Variants in PTPRD observed in about 807,000 individuals in gnomAD.
The protein encoded by PTPRD is protein tyrosine phosphatase receptor type D.
In PTPRD, 34 loss-of-function variants were observed where a neutral mutation model predicts 214.5. The observed-to-expected ratio is 0.16, with a 90% CI of 0.12 to 0.21. PTPRD has a LOEUF of 0.21. Among genes scored for constraint, PTPRD ranks in the 10% least tolerant of loss-of-function variants. PTPRD has a pLI of 1.00. For missense variants in PTPRD, 2,545 were observed against 2,398.7 expected (o/e 1.06, Z -1.27); for synonymous variants, 1,128 against 845.7 (o/e 1.33, Z -5.79).
chr9:9,568,090 G>T (rs1356355609), intron 8 of PTPRD, among the ~76,000 whole-genome samples: 2 of 151,752 alleles, frequency 1.3e-5, no homozygotes, highest in Non-Finnish European at 2.9e-5. Flanking sequence ...ATAGGTCCCT[G>T]ATTATGTCAT....
chr9:8,792,860 C>T (rs1240533366), intron 11 of PTPRD, among the ~76,000 whole-genome samples: 1 of 151,954 alleles, frequency 6.6e-6, no homozygotes, highest in Non-Finnish European at 1.5e-5. Flanking sequence ...CCTTTTATTA[C>T]TGCTAAAAAG....
chr9:8,792,760 C>T (rs1037014889), intron 11 of PTPRD, among the ~76,000 whole-genome samples: 6 of 152,296 alleles, frequency 3.9e-5, no homozygotes, highest in Admixed American at 2.6e-4. Flanking sequence ...AAAGACCTCT[C>T]GTCCTTGCTC....
At chr9:10,189,799 T>C (rs1338536495) in intron 3 of PTPRD, among the ~76,000 whole-genome samples, 7 of 152,070 alleles carry the variant, frequency 4.6e-5, no homozygotes, top group African/African-American at 1.4e-4. Context: ...AAAAATCATA[T>C]ATAAACCAAG....
chr9:9,986,846 T>C (rs1229157161), intron 4 of PTPRD, among the ~76,000 whole-genome samples: 1 of 152,140 alleles, frequency 6.6e-6, no homozygotes, highest in Non-Finnish European at 1.5e-5. Flanking sequence ...AATGGGCATA[T>C]AGTTAACTGT....
chr9:8,840,142 A>C (rs10815970), intron 11 of PTPRD, among the ~76,000 whole-genome samples: 18,749 of 152,232 alleles, frequency 0.12, 1,395 homozygotes, highest in East Asian at 0.27. Flanking sequence ...TTACAACAGT[A>C]TTAGAGCAGT....
At chr9:9,362,028 G>A (rs1335061446) in intron 9 of PTPRD, among the ~76,000 whole-genome samples, 1 of 150,986 alleles carries the variant, frequency 6.6e-6, no homozygotes, top group Non-Finnish European at 1.5e-5. Flanking sequence ...AGAGAGTTTA[G>A]TGGAAAACAT....
intron 14 of PTPRD, among the ~76,000 whole-genome samples, chr9:8,581,553 T>C (rs766411125): frequency 2.2e-4 from 32 of 148,070 alleles, no homozygotes; most frequent in East Asian, 6.3e-4. Context: ...TTGAGACCAT[T>C]CTGGCTAACA....
intron 6 of PTPRD, among the ~76,000 whole-genome samples, chr9:9,745,901 T>C (rs4742615): frequency 0.043 from 6,565 of 152,208 alleles, 739 homozygotes; most frequent in East Asian, 0.4. Context: ...AATCACAGTA[T>C]AATAGGCTTT....
chr9:9,687,788 G>C (rs192074794), intron 7 of PTPRD, among the ~76,000 whole-genome samples: 1 of 151,550 alleles, frequency 6.6e-6, no homozygotes, highest in African/African-American at 2.4e-5. Flanking sequence ...CCTCCTTCAG[G>C]TCTACTTATG....
At chr9:10,051,022 G>T (rs189316913) in intron 3 of PTPRD, among the ~76,000 whole-genome samples, 1 of 151,906 alleles carries the variant, frequency 6.6e-6, no homozygotes, top group Admixed American at 6.6e-5. Context: ...TATGCTAAAT[G>T]TACTTTAAGC....
intron 14 of PTPRD, among the ~76,000 whole-genome samples, chr9:8,585,787 T>C (rs72696687): frequency 6.6e-6 from 1 of 152,188 alleles, no homozygotes; most frequent in African/African-American, 2.4e-5. Context: ...GCACTTCTGA[T>C]TTCTCTGCCT....
intron 7 of PTPRD, among the ~76,000 whole-genome samples, chr9:9,719,720 C>T (rs772311244): frequency 9.2e-5 from 14 of 152,206 alleles, no homozygotes; most frequent in South Asian, 4.1e-4. Flanking sequence ...GACCTCAGGG[C>T]TCCCCATGTC....
chr9:8,870,482 C>CCA (rs2098276348), intron 11 of PTPRD, among the ~76,000 whole-genome samples: 1 of 152,070 alleles, frequency 6.6e-6, no homozygotes, highest in Admixed American at 6.6e-5. Context: ...TGTGTGTCAA[C>CCA]CACCCCATCT....
At chr9:8,862,579 C>T (rs562686250) in intron 11 of PTPRD, among the ~76,000 whole-genome samples, 22 of 152,294 alleles carry the variant, frequency 1.4e-4, no homozygotes, top group South Asian at 8.3e-4. Flanking sequence ...TCTGATTCCA[C>T]TACCCAAAGA....
intron 8 of PTPRD, among the ~76,000 whole-genome samples, chr9:9,405,130 T>C (rs1296467755): frequency 2.0e-5 from 3 of 152,076 alleles, no homozygotes; most frequent in Admixed American, 2.0e-4. Context: ...CCCAATTCCT[T>C]TCAAAATCTA....
chr9:9,097,700 A>G lies in PTPRD; in HGVS notation c.-142-78965T>C, dbSNP rs143949730. ...GCTAGGATACCATGGCTCTTGATGCAATCAAGTGCAAATCCTCTCTGAAGG... is the reference window on the plus strand; with the variant it reads ...GCTAGGATACCATGGCTCTTGATGCGATCAAGTGCAAATCCTCTCTGAAGG... On this transcript the variant is annotated intron_variant, in intron 10 of 45. Coordinates refer to ENST00000381196, the MANE Select transcript of PTPRD (RefSeq NM_002839.4). Among the ~76,000 whole-genome samples, 20 of 152,194 alleles carry G rather than the reference A, an allele frequency of 1.3e-4. No homozygotes were observed. In the East Asian group the frequency reaches 3.9e-3, roughly 29 times the overall value.
intron 35 of PTPRD, among the ~76,000 whole-genome samples, chr9:8,417,119 C>T (rs2131361090): frequency 6.6e-6 from 1 of 152,152 alleles, no homozygotes. Flanking sequence ...GCATTCATCC[C>T]ACAGTTGTTA....
chr9:8,981,902 T>C (rs1006784791), intron 11 of PTPRD, among the ~76,000 whole-genome samples: 3 of 152,046 alleles, frequency 2.0e-5, no homozygotes, highest in African/African-American at 7.2e-5. Flanking sequence ...TGTCTTTTTG[T>C]TGTTTGGAAT....
intron 11 of PTPRD, among the ~76,000 whole-genome samples, chr9:8,801,769 A>T (rs967308274): frequency 1.3e-5 from 2 of 152,206 alleles, no homozygotes; most frequent in Non-Finnish European, 2.9e-5. Flanking sequence ...AGTGTTACCC[A>T]TTAAACCTGG....
Sources: gnomAD v4.1 joint callset for allele counts (sites outside exome capture counted in the v4.1 genomes callset) on GRCh38, gnomAD v4.1.1 for gene constraint, MANE v1.5 for transcripts, NCBI Gene and HGNC (gene_info 2026-07-23, HGNC 2026-07-21) for gene names.